The following DLG2 variants were observed in gnomAD, a reference collection of about 807,000 sequenced individuals.
DLG2 encodes the protein discs large MAGUK scaffold protein 2.
In DLG2, 45 loss-of-function variants were observed where a neutral mutation model predicts 132.5. That is an observed-to-expected ratio of 0.34 (90% CI 0.27 to 0.44). The LOEUF (loss-of-function observed/expected upper bound fraction) is 0.44, where lower values mean the gene tolerates loss of function less well. DLG2 is among the 20% of genes least tolerant of loss of function. The pLI, the probability that DLG2 is intolerant of heterozygous loss-of-function variation, is 1.00. For missense variants in DLG2, 1,045 were observed against 1,196.9 expected (o/e 0.87, Z 1.87); for synonymous variants, 424 against 419.6 (o/e 1.01, Z -0.13).
intron 6 of DLG2, among the ~76,000 whole-genome samples, chr11:84,900,289 C>G (rs1461975639): frequency 1.3e-5 from 2 of 151,914 alleles, no homozygotes; most frequent in Non-Finnish European, 2.9e-5. Context: ...TAGGTAAAAC[C>G]TAACTTAAAT....
At chr11:84,607,866 G>A (rs1432081782) in intron 6 of DLG2, among the ~76,000 whole-genome samples, 1 of 151,980 alleles carries the variant, frequency 6.6e-6, no homozygotes, top group Non-Finnish European at 1.5e-5. Flanking sequence ...AATGTTAGTG[G>A]TCTCCCCTCA....
At chr11:84,892,596 A>G (rs1454913778) in intron 6 of DLG2, among the ~76,000 whole-genome samples, 1 of 152,082 alleles carries the variant, frequency 6.6e-6, no homozygotes, top group Admixed American at 6.6e-5. Flanking sequence ...ATGTGTTTAA[A>G]TATATTTTAT....
chr11:84,858,536 A>G (rs1304877793), intron 6 of DLG2, among the ~76,000 whole-genome samples: 1 of 152,010 alleles, frequency 6.6e-6, no homozygotes, highest in Non-Finnish European at 1.5e-5. Flanking sequence ...AAACTTCCCA[A>G]TTGTCTCATA....
chr11:85,105,354 A>G (rs887227112), intron 6 of DLG2, among the ~76,000 whole-genome samples: 2 of 151,924 alleles, frequency 1.3e-5, no homozygotes, highest in African/African-American at 2.4e-5. Flanking sequence ...TAGATAGGAA[A>G]CTGGTGTAAG....
chr11:84,338,813 C>A (rs2098500685), intron 7 of DLG2, among the ~76,000 whole-genome samples: 1 of 151,608 alleles, frequency 6.6e-6, no homozygotes, highest in South Asian at 2.1e-4. Flanking sequence ...CTCAAAATAA[C>A]AATAATAATA....
intron 18 of DLG2, among the ~76,000 whole-genome samples, chr11:83,711,609 C>T (rs1215295642): frequency 6.6e-6 from 1 of 152,158 alleles, no homozygotes; most frequent in Non-Finnish European, 1.5e-5. Flanking sequence ...ACCCAGCTAG[C>T]CAGCTTTCAC....
chr11:85,297,240 T>C (rs1482897890), intron 3 of DLG2, among the ~76,000 whole-genome samples: 12 of 152,300 alleles, frequency 7.9e-5, no homozygotes, highest in Non-Finnish European at 1.8e-4. Context: ...AAGGTATCAT[T>C]AGCATACTTT....
chr11:85,030,570 T>C (rs1483937316), intron 6 of DLG2, among the ~76,000 whole-genome samples: 2 of 152,350 alleles, frequency 1.3e-5, no homozygotes, highest in African/African-American at 2.4e-5. Context: ...TGTTTACTGT[T>C]GCATTCAAGT....
At chr11:84,727,214 T>G (rs1663256926) in intron 6 of DLG2, among the ~76,000 whole-genome samples, 1 of 152,214 alleles carries the variant, frequency 6.6e-6, no homozygotes. Context: ...CTTCTAGGAT[T>G]TTTACGGTCC....
At chr11:83,791,873 T>G (rs112903666) in intron 17 of DLG2, among the ~76,000 whole-genome samples, 1,745 of 152,296 alleles carry the variant, frequency 0.011, 34 homozygotes, top group African/African-American at 0.04. Context: ...TCCTCCAGCT[T>G]GTGTGTACTT....
At chr11:83,971,518 G>T (rs1270894289) in intron 12 of DLG2, among the ~76,000 whole-genome samples, 3 of 151,258 alleles carry the variant, frequency 2.0e-5, no homozygotes, top group African/African-American at 7.3e-5. Context: ...GGGGGCATGA[G>T]AATATAATAA....
intron 6 of DLG2, among the ~76,000 whole-genome samples, chr11:84,597,188 C>G (rs1486609886): frequency 6.6e-6 from 1 of 151,898 alleles, no homozygotes. Flanking sequence ...CCACTGCACT[C>G]CAGCCTGGAT....
intron 8 of DLG2, among the ~76,000 whole-genome samples, chr11:84,200,472 CAAG>C (rs2096577638): frequency 6.6e-6 from 1 of 151,912 alleles, no homozygotes; most frequent in South Asian, 2.1e-4. Context: ...TGTAAATATC[CAAG>C]ACTTTTGATA....
At chr11:83,850,213 G>A (rs953640471) in intron 16 of DLG2, among the ~76,000 whole-genome samples, 14 of 150,800 alleles carry the variant, frequency 9.3e-5, no homozygotes, top group Admixed American at 4.0e-4. Flanking sequence ...GAGTGCAGTG[G>A]CGTGATCCCG....
intron 6 of DLG2, among the ~76,000 whole-genome samples, chr11:84,883,930 G>A (rs1379515856): frequency 6.6e-6 from 1 of 150,962 alleles, no homozygotes; most frequent in Non-Finnish European, 1.5e-5. Context: ...ATTGTAAAGT[G>A]AACAGAAACA....
At chr11:84,867,019 T>A (rs2084674547) in intron 6 of DLG2, among the ~76,000 whole-genome samples, 1 of 152,242 alleles carries the variant, frequency 6.6e-6, no homozygotes, top group South Asian at 2.1e-4. Context: ...ATTTTATGAA[T>A]AATAAATAAT....
intron 3 of DLG2, among the ~76,000 whole-genome samples, chr11:85,324,442 T>C (rs751328403): frequency 4.6e-5 from 7 of 152,144 alleles, no homozygotes; most frequent in Non-Finnish European, 1.0e-4. Context: ...TAACACCTTA[T>C]TTTGCCTTTA....
chr11:84,939,801 A>T (rs1347135248), intron 6 of DLG2, among the ~76,000 whole-genome samples: 3 of 152,166 alleles, frequency 2.0e-5, no homozygotes, highest in Non-Finnish European at 4.4e-5. Context: ...TATATGTAAA[A>T]CATTTTATTT....
intron 7 of DLG2, among the ~76,000 whole-genome samples, chr11:84,459,255 T>C (rs2099073830): frequency 1.3e-5 from 2 of 150,758 alleles, no homozygotes; most frequent in African/African-American, 4.8e-5. Flanking sequence ...GCCATTCTAT[T>C]GGTCTGTCAG....
Sources: allele counts gnomAD v4.1 joint callset (sites outside exome capture counted in the v4.1 genomes callset), GRCh38; gene constraint gnomAD v4.1.1; transcripts MANE v1.5; gene names NCBI Gene and HGNC (gene_info 2026-07-23, HGNC 2026-07-21).